ITSN2: variants seen among roughly 807,000 people sequenced by gnomAD.
ITSN2 encodes intersectin 2.
ITSN2 carries 156 observed loss-of-function variants against 243.7 expected under a neutral mutation model. That is an observed-to-expected ratio of 0.64 (90% CI 0.56 to 0.73). The LOEUF (loss-of-function observed/expected upper bound fraction) is 0.73, where lower values mean the gene tolerates loss of function less well. Ranked by LOEUF, ITSN2 falls within the 30% of genes least tolerant of loss-of-function variation. ITSN2 has a pLI of 0.00. For missense variants in ITSN2, 1,801 were observed against 1,996.1 expected, an observed-to-expected ratio of 0.90 and a Z score of 1.86; for synonymous variants, 703 against 699.9, an observed-to-expected ratio of 1.00 and a Z score of -0.07.
chr2:24,220,141 C>T (rs973893678), intron 30 of ITSN2, among the ~76,000 whole-genome samples: 2 of 152,174 alleles, frequency 1.3e-5, no homozygotes, highest in Non-Finnish European at 2.9e-5. Context: ...GGAACAGACG[C>T]AGAAGGACGC....
chr2:24,343,610 G>C (rs1687259044), intron 1 of ITSN2, among the ~76,000 whole-genome samples: 1 of 152,186 alleles, frequency 6.6e-6, no homozygotes. Context: ...AGAAGTGGAA[G>C]TAGCAGGTTA....
At chr2:24,335,866 G>A (rs1193176300) in intron 1 of ITSN2, among the ~76,000 whole-genome samples, 2 of 151,510 alleles carry the variant, frequency 1.3e-5, no homozygotes, top group Admixed American at 1.3e-4. Context: ...TCAAACTCCT[G>A]ACCTCAGGTG....
At chr2:24,298,609 T>C in intron 13 of ITSN2, 56 bp downstream of exon 13, 1 of 1,523,888 alleles carries the variant, frequency 6.6e-7, no homozygotes. Flanking sequence ...AATTACATTT[T>C]TCAACAGGTA....
intron 1 of ITSN2, among the ~76,000 whole-genome samples, chr2:24,337,648 CTTT>C (rs751387126): frequency 1.4e-4 from 16 of 117,716 alleles, no homozygotes; most frequent in African/African-American, 4.7e-4. Context: ...CCACGCCTGG[CTTT>C]TTTTTTTTTT....
chr2:24,333,021 T>C (rs1685960517), intron 1 of ITSN2, among the ~76,000 whole-genome samples: 1 of 152,190 alleles, frequency 6.6e-6, no homozygotes, highest in Non-Finnish European at 1.5e-5. Flanking sequence ...ATAATATGGA[T>C]ACTCCTCTCA....
chr2:24,284,531 A>G (rs1679219564), intron 17 of ITSN2, among the ~76,000 whole-genome samples: 1 of 152,152 alleles, frequency 6.6e-6, no homozygotes, highest in South Asian at 2.1e-4. Context: ...AGTGTCCTGG[A>G]CTTCTTTTGA....
intron 3 of ITSN2, among the ~76,000 whole-genome samples, chr2:24,314,667 T>A (rs1683697018): frequency 6.6e-6 from 1 of 151,986 alleles, no homozygotes; most frequent in Admixed American, 6.5e-5. Flanking sequence ...TAGAAAAAAA[T>A]TTCAAAGGCA....
At chr2:24,292,132 A>C (rs1038774578) in intron 15 of ITSN2, among the ~76,000 whole-genome samples, 2 of 152,232 alleles carry the variant, frequency 1.3e-5, no homozygotes, top group African/African-American at 4.8e-5. Flanking sequence ...TGTTATACAG[A>C]GAGGCATCTA....
intron 15 of ITSN2, among the ~76,000 whole-genome samples, chr2:24,286,585 A>G (rs1055505863): frequency 2.6e-5 from 4 of 152,216 alleles, no homozygotes; most frequent in Non-Finnish European, 5.9e-5. Context: ...CAAAAGGACT[A>G]GGACCTGAAG....
Position 24,207,788 on chromosome 2 carries a change from G to A in ITSN2, c.4678+449C>T, listed in dbSNP as rs1229023098. ...GGAGGCAGGGGCAGAAGGATGGGGA[G>A]AGGGCAGACTTAGGGTCTAGGCCCC... On this transcript the variant is annotated intron_variant, in intron 37 of 39. Coordinates refer to ENST00000355123, the MANE Select transcript of ITSN2 (RefSeq NM_006277.3). 7.9e-5 allele frequency among the ~76,000 whole-genome samples: 12 copies of A among 151,868 alleles called. 1 individual carries two copies. Among genetic ancestry groups the A allele is most frequent in the Admixed American group, 5.9e-4 (9 of 15,260 alleles).
intron 10 of ITSN2, among the ~76,000 whole-genome samples, chr2:24,301,499 T>C (rs149232905): frequency 9.2e-5 from 14 of 152,138 alleles, no homozygotes; most frequent in African/African-American, 3.1e-4. Flanking sequence ...CCTCCTTATG[T>C]ATAACATAAT....
intron 29 of ITSN2, among the ~76,000 whole-genome samples, chr2:24,238,518 G>A (rs1672402771): frequency 6.6e-6 from 1 of 152,090 alleles, no homozygotes; most frequent in Admixed American, 6.6e-5. Flanking sequence ...ATTCACTGCT[G>A]TTTCTTTTAC....
chr2:24,307,654 T>C (rs80222257), intron 8 of ITSN2, among the ~76,000 whole-genome samples: 10,705 of 152,266 alleles, frequency 0.07, 409 homozygotes, highest in Middle Eastern at 0.11. Context: ...TAGGTATGTA[T>C]CTTTAAATAA....
At chr2:24,308,940 T>C (rs1220399375) in intron 7 of ITSN2, 184 bp from the exon 8 acceptor site, 1 of 580,806 alleles carries the variant, frequency 1.7e-6, no homozygotes, top group South Asian at 1.5e-5. Flanking sequence ...CACTACTACC[T>C]GAGCTCCAGC....
chr2:24,255,352 G>C (rs1011929461), intron 23 of ITSN2, among the ~76,000 whole-genome samples: 3 of 152,236 alleles, frequency 2.0e-5, no homozygotes, highest in Non-Finnish European at 4.4e-5. Context: ...AATTCGGCCA[G>C]GTGTGGTGGC....
In ITSN2 at chr2:24,315,177, C is replaced by A. The variant is rs755131394; in HGVS notation, c.79G>T (p.Asp27Tyr). Residue 27 changes from aspartate (D) to tyrosine (Y), a missense_variant, in exon 3 of 40, where the codon GAC becomes TAC. Around this residue, in one of 5 missense-constraint regions of ITSN2, gnomAD observed 77 missense variants for 90.1 expected, o/e 0.85. Transcript: ENST00000355123. ...AITSEERTKH[D>Y]RQFDNLKPSG... is the part of the protein sequence containing the mutation. ...GGTTTGAGGTTATCAAACTGCCTGT[C>A]ATGCTTAGTACGTTCTTCAGAGGTA... is the stretch of plus-strand genomic sequence containing the variant. 6.2e-7 allele frequency: 1 copy of A among 1,612,820 alleles called. No individual in the cohort carries two copies. The highest frequency in any genetic ancestry group is 8.5e-7 in the Non-Finnish European group (1 of 1,179,158).
At chr2:24,355,135 C>T (rs1276030804) in intron 1 of ITSN2, among the ~76,000 whole-genome samples, 1 of 152,130 alleles carries the variant, frequency 6.6e-6, no homozygotes, top group African/African-American at 2.4e-5. Flanking sequence ...CTCAAGAATA[C>T]CTATATTCAC....
At chr2:24,337,279 ATGTATGTGTGTGTG>A (rs1686490385) in intron 1 of ITSN2, among the ~76,000 whole-genome samples, 3 of 97,928 alleles carry the variant, frequency 3.1e-5, no homozygotes, top group South Asian at 6.8e-4. Flanking sequence ...GTCTATATGT[ATGTATGTGTGTGTG>A]TGTGTGTGTG....
intron 35 of ITSN2, 61 bp downstream of exon 35, chr2:24,209,757 T>G: frequency 7.3e-7 from 1 of 1,377,330 alleles, no homozygotes. Context: ...CAGGAAGGCC[T>G]TAAGATAGAG....
Sources: allele counts gnomAD v4.1 joint callset (sites outside exome capture counted in the v4.1 genomes callset), GRCh38; gene constraint gnomAD v4.1.1; regional missense constraint gnomAD v4.1.1; transcripts MANE v1.5; gene names NCBI Gene and HGNC (gene_info 2026-07-23, HGNC 2026-07-21).